The following CD80 variants were observed in gnomAD, a reference collection of about 807,000 sequenced individuals.
The protein encoded by CD80 is CD80 molecule.
In CD80, 13 loss-of-function variants were observed where a neutral mutation model predicts 27.1. The ratio of observed to expected loss-of-function variants is 0.48; its 90% CI spans 0.31 to 0.76. CD80 has a LOEUF of 0.76. Ranked by LOEUF, CD80 falls within the 30% of genes least tolerant of loss-of-function variation. The pLI is 0.04. For missense variants in CD80, 277 were observed against 347.9 expected (o/e 0.80, Z 1.62); for synonymous variants, 125 against 125.5 (o/e 1.00, Z 0.03).
At chr3:119,541,399 A>G (rs1009745785) in intron 3 of CD80, among the ~76,000 whole-genome samples, 5 of 152,316 alleles carry the variant, frequency 3.3e-5, no homozygotes, top group Non-Finnish European at 5.9e-5. Context: ...ATATTATATT[A>G]CCATTTTGCA....
chr3:119,544,694 T>C lies in CD80; in HGVS notation c.274A>G (p.Ile92Val), dbSNP rs2082190381. The C allele has an allele frequency of 6.2e-7, 1 of 1,614,080 alleles. No homozygotes were observed. Among genetic ancestry groups the C allele is most frequent in the African/African-American group, 1.3e-5 (1 of 74,922 alleles). ...NIWPEYKNRT[I>V]FDITNNLSIV... is the part of the protein sequence containing the mutation. Reference sequence around the variant, plus strand: ...GAGAGGTTATTAGTGATATCAAAGATGGTCCGGTTCTTGTACTCGGGCCAT... The same window carrying C: ...GAGAGGTTATTAGTGATATCAAAGACGGTCCGGTTCTTGTACTCGGGCCAT... Residue 92 changes from isoleucine (I) to valine (V), a missense_variant, in exon 3 of 7, where the codon ATC becomes GTC. By Grantham distance (29) the Ile-to-Val change is conservative (BLOSUM62 3). Coordinates refer to ENST00000264246, the MANE Select transcript of CD80 (RefSeq NM_005191.4).
At chr3:119,557,505 T>C (rs1028058282) in intron 2 of CD80, 124 bp downstream of exon 2, 4 of 568,010 alleles carry the variant, frequency 7.0e-6, no homozygotes, top group African/African-American at 5.7e-5. Context: ...TAAAATCTTC[T>C]GAAAACACCC....
chr3:119,556,009 C>CT (rs1397529128), intron 2 of CD80, among the ~76,000 whole-genome samples: 1 of 152,174 alleles, frequency 6.6e-6, no homozygotes, highest in Non-Finnish European at 1.5e-5. Context: ...TCTTGGGCTC[C>CT]TACAATCAGG....
intron 3 of CD80, 55 bp from the exon 4 acceptor site, chr3:119,537,473 G>A: frequency 8.3e-7 from 1 of 1,205,224 alleles, no homozygotes; most frequent in Non-Finnish European, 1.2e-6. Context: ...TATGTGTGTA[G>A]AGGTTTATTT....
intron 1 of CD80, 67 bp downstream of exon 1, chr3:119,559,373 C>T (rs2082280732): frequency 6.6e-6 from 1 of 152,170 alleles, no homozygotes; most frequent in Non-Finnish European, 1.5e-5. Context: ...GTTTAAAAAG[C>T]AGTGAGGTTG....
At chr3:119,532,313 C>T (rs544698415) in intron 4 of CD80, among the ~76,000 whole-genome samples, 2 of 152,096 alleles carry the variant, frequency 1.3e-5, no homozygotes, top group South Asian at 2.1e-4. Context: ...ACCAGCCTGG[C>T]CAACATAGTG....
chr3:119,527,804 C>G lies in CD80; in HGVS notation c.834G>C (p.Glu278Asp), dbSNP rs752468937. 1.2e-6 allele frequency: 2 copies of G among 1,614,060 alleles called. No homozygotes were observed. The highest frequency in any genetic ancestry group is 3.3e-5 in the Admixed American group (2 of 60,022). Residue 278 changes from glutamate to aspartate, a missense_variant, in exon 6 of 7, where the codon GAG becomes GAC. Glu to Asp is a conservative substitution (Grantham distance 45). Transcript: ENST00000264246. ...GGCGTACACTTTCCCTTCTCAATCT[C>G]TCATTCCTCCTTCTCTCTCTGCATC... ...APRCRERRRN[E>D]RLRRESVRPV is the part of the protein sequence containing the mutation.
intron 1 of CD80, among the ~76,000 whole-genome samples, chr3:119,558,803 A>AGGT (rs919007038): frequency 4.1e-4 from 62 of 151,388 alleles, no homozygotes; most frequent in African/African-American, 1.4e-3. Context: ...CTGTCATGTG[A>AGGT]GGTGGCTAGG....
chr3:119,528,427 G>T (rs1286791013), intron 5 of CD80, among the ~76,000 whole-genome samples: 4 of 152,086 alleles, frequency 2.6e-5, no homozygotes, highest in Non-Finnish European at 5.9e-5. Context: ...AGTGATTATG[G>T]CCTTATTTCG....
chr3:119,550,943 C>A (rs2082227916), intron 2 of CD80, among the ~76,000 whole-genome samples: 1 of 152,182 alleles, frequency 6.6e-6, no homozygotes. Context: ...TGCCCCCCTC[C>A]ATCCTGCTAC....
chr3:119,544,465 A>C (rs2082188777), intron 3 of CD80, 85 bp downstream of exon 3: 1 of 1,220,852 alleles, frequency 8.2e-7, no homozygotes, highest in African/African-American at 1.5e-5. Context: ...TCTTTGGTAA[A>C]ATTTTCACCT....
At chr3:119,543,998 C>T (rs2082185727) in intron 3 of CD80, among the ~76,000 whole-genome samples, 1 of 150,078 alleles carries the variant, frequency 6.7e-6, no homozygotes, top group Non-Finnish European at 1.5e-5. Flanking sequence ...AAGCGATTCT[C>T]TGCCTCAGCC....
chr3:119,547,795 T>C (rs912559900), intron 2 of CD80, among the ~76,000 whole-genome samples: 1 of 152,132 alleles, frequency 6.6e-6, no homozygotes, highest in East Asian at 1.9e-4. Context: ...GATATAACTA[T>C]TGATATACTG....
chr3:119,557,544 T>C (rs971460149), intron 2 of CD80, 85 bp downstream of exon 2: 1 of 828,508 alleles, frequency 1.2e-6, no homozygotes. Flanking sequence ...TATAGGATAA[T>C]AGAAGGGAGC....
intron 2 of CD80, among the ~76,000 whole-genome samples, chr3:119,549,650 G>A (rs563715826): frequency 1.2e-4 from 19 of 152,252 alleles, no homozygotes; most frequent in African/African-American, 4.1e-4. Flanking sequence ...GACTGGATAC[G>A]GCCCCACCAC....
At chr3:119,537,506 TAAG>T (rs2082145829) in intron 3 of CD80, 88 bp from the exon 4 acceptor site, 3 of 960,896 alleles carry the variant, frequency 3.1e-6, no homozygotes, top group Non-Finnish European at 1.5e-6. Flanking sequence ...CTAGCTTTAA[TAAG>T]AATTGATAAA....
chr3:119,554,740 C>T (rs2082253463), intron 2 of CD80, among the ~76,000 whole-genome samples: 1 of 152,170 alleles, frequency 6.6e-6, no homozygotes, highest in Non-Finnish European at 1.5e-5. Flanking sequence ...TGAATCTCAC[C>T]TCCCACAGAC....
intron 2 of CD80, among the ~76,000 whole-genome samples, chr3:119,551,530 C>G (rs987986597): frequency 1.3e-5 from 2 of 152,164 alleles, no homozygotes; most frequent in Admixed American, 1.3e-4. Context: ...CCTTTCTATC[C>G]TCTGCCATGG....
rs1560052002 is a variant in CD80, at chr3:119,525,315, C to G, written c.*473G>C. On this transcript the variant is annotated 3_prime_UTR_variant, in exon 7 of 7. Transcript: ENST00000264246. ...ATCTTCTACTCTGACATTAGGAAATCAGATAGTCTCTGAAGTTGACCTGTT... is the reference window on the plus strand; with the variant it reads ...ATCTTCTACTCTGACATTAGGAAATGAGATAGTCTCTGAAGTTGACCTGTT... 1.3e-5 allele frequency: 2 copies of G among 152,174 alleles called. No individual in the cohort carries two copies. Among genetic ancestry groups the G allele is most frequent in the African/African-American group, 4.8e-5 (2 of 41,414 alleles). The allele number at this position is 152,174 out of a possible 1,614,324, so 9.4% of individuals were successfully genotyped here. A position where few individuals can be genotyped will look rare whatever the true frequency, so the allele number is the denominator to read the frequency against.
Sources: allele counts gnomAD v4.1 joint callset (sites outside exome capture counted in the v4.1 genomes callset), GRCh38; gene constraint gnomAD v4.1.1; transcripts MANE v1.5; gene names NCBI Gene and HGNC (gene_info 2026-07-23, HGNC 2026-07-21).